Variants in GMPR2 observed in about 807,000 individuals in gnomAD.
GMPR2 encodes the protein guanosine monophosphate reductase 2, also known as GMP reductase 2.
A neutral mutation model predicts 38.5 loss-of-function variants in GMPR2; 32 were observed. The ratio of observed to expected loss-of-function variants is 0.83; its 90% CI spans 0.63 to 1.12. GMPR2 has a LOEUF of 1.12. GMPR2 is among the 50% of genes most tolerant of loss of function. The probability of loss-of-function intolerance (pLI) is 0.00; values close to 1 mark genes in which losing one functional copy is unlikely to be tolerated. For synonymous variants in GMPR2, 154 were observed against 151.0 expected (o/e 1.02, Z -0.15); for missense variants, 396 against 432.1 (o/e 0.92, Z 0.74).
At chr14:24,234,797 G>A (rs959937370) in intron 3 of GMPR2, among the ~76,000 whole-genome samples, 1 of 152,204 alleles carries the variant, frequency 6.6e-6, no homozygotes, top group Non-Finnish European at 1.5e-5. Flanking sequence ...ATCCTATGGT[G>A]ACTTTTCTTT....
intron 3 of GMPR2, chr14:24,234,120 G>A (rs1290545935): frequency 2.3e-6 from 3 of 1,289,232 alleles, no homozygotes; most frequent in Non-Finnish European, 3.0e-6. Context: ...TAGGTTCCTG[G>A]GAGTTTCTGG....
rs2040332060 is a variant in GMPR2, at chr14:24,236,132, A to G, written c.457A>G (p.Thr153Ala). Residue 153 changes from threonine to alanine, a missense_variant, in exon 5 of 10, where the codon ACC (threonine) becomes GCC (alanine). Transcript: ENST00000399440. ...KDVRKRFPQH[T>A]IMAGNVVTGE... ...TGTACGGAAGCGCTTCCCCCAGCAC[A>G]CCATCATGGTATGTTTCTATTACAG... 1.2e-6 allele frequency: 2 copies of G among 1,612,892 alleles called. No individual in the cohort carries two copies. The highest frequency in any genetic ancestry group is 1.7e-5 in the Admixed American group (1 of 59,902).
intron 8 of GMPR2, 38 bp downstream of exon 8, chr14:24,237,600 A>G: frequency 6.4e-7 from 1 of 1,565,030 alleles, no homozygotes; most frequent in Non-Finnish European, 8.8e-7. Flanking sequence ...GATTCTATAC[A>G]AGAGGATGAA....
At position 24,232,987 on chromosome 14, in the gene GMPR2, G is replaced by A. The variant is rs901502381; in HGVS notation, c.-36+10G>A. 7 of 585,648 alleles carry A rather than the reference G, an allele frequency of 1.2e-5. No homozygotes were observed. The highest frequency in any genetic ancestry group is 2.1e-5 in the Non-Finnish European group (7 of 327,312). The allele number at this position is 585,648 out of a possible 1,614,324, so 36.3% of individuals were successfully genotyped here. A position where few individuals can be genotyped will look rare whatever the true frequency, so the allele number is the denominator to read the frequency against. ...AAGGAAGTGTAGCGGGGTAAGGAAT[G>A]CACCGTCAGGGTCTCTCACAACCCT... On this transcript the variant is annotated intron_variant, in intron 1 of 9. Coordinates refer to ENST00000399440, the MANE Select transcript of GMPR2 (RefSeq NM_001002002.3).
At chr14:24,236,231 TATG>T (rs2040338196) in intron 5 of GMPR2, 91 bp downstream of exon 5, 2 of 875,910 alleles carry the variant, frequency 2.3e-6, no homozygotes, top group East Asian at 4.8e-5. Context: ...TCTGCTGCAT[TATG>T]ATATTCCTAG....
Position 24,233,308 on chromosome 14 carries a change from C to T in GMPR2, c.55C>T (p.Pro19Ser), listed in dbSNP as rs780281158. The T allele has an allele frequency of 6.2e-7, 1 of 1,613,984 alleles. No individual in the cohort carries two copies. Among genetic ancestry groups the T allele is most frequent in the African/African-American group, 1.3e-5 (1 of 74,910 alleles). The change falls in exon 2 of 10, where the codon CCC (proline) becomes TCC (serine). Residue 19 changes from proline (P) to serine (S), a missense_variant. By Grantham distance (74) the Pro-to-Ser change is moderately conservative (BLOSUM62 -1). Transcript: ENST00000399440. ...KLDFKDVLLR[P>S]KRSTLKSRSE... is the part of the protein sequence containing the mutation. ...GGACTTCAAGGATGTCCTTTTGAGG[C>T]CCAAACGCAGTACCCTTAAGTCTCG...
Position 24,238,831 on chromosome 14 carries a change from C to A in GMPR2, c.*53C>A. The A allele has an allele frequency of 6.7e-7, 1 of 1,489,258 alleles. No homozygotes were observed. Among genetic ancestry groups the A allele is most frequent in the Non-Finnish European group, 9.3e-7 (1 of 1,077,220 alleles). 92.3% of individuals were successfully genotyped at this position (1,489,258 alleles called of 1,614,324 possible). On this transcript the variant is annotated 3_prime_UTR_variant, in exon 10 of 10. Transcript: ENST00000399440. The stretch of plus-strand genomic sequence containing the variant: ...ACCAGTACTCTACCATGGGGCATCC[C>A]AAGTGGGGTCCTCACCCATCCCAGC...
intron 3 of GMPR2, chr14:24,233,838 T>G: frequency 1.7e-6 from 1 of 604,444 alleles, no homozygotes. Context: ...GAACAGAATT[T>G]TCCCTTTTGT....
chr14:24,238,073 A>G, intron 8 of GMPR2, 173 bp from the exon 9 acceptor site: 1 of 582,838 alleles, frequency 1.7e-6, no homozygotes, highest in Non-Finnish European at 3.0e-6. Flanking sequence ...ACTGAGGAAT[A>G]GAGGCCAGGG....
chr14:24,232,705 C>A (rs576279401), upstream of GMPR2: 1 of 222,268 alleles, frequency 4.5e-6, no homozygotes, highest in Non-Finnish European at 9.2e-6. Context: ...GCCGCCGAAG[C>A]TGGAATTCGT....
At position 24,238,702 on chromosome 14, in the gene GMPR2, T is replaced by C; in HGVS notation, c.971T>C (p.Leu324Pro). The change falls in exon 10 of 10, where the codon CTC becomes CCC. Residue 324 changes from leucine to proline, a missense_variant. By Grantham distance (98) the Leu-to-Pro change is moderately conservative. Coordinates refer to ENST00000399440, the MANE Select transcript of GMPR2 (RefSeq NM_001002002.3). Reference protein sequence around the residue: ...STCTYVGAAKLKELSRRTTFI... With the variant: ...STCTYVGAAKPKELSRRTTFI... ...TGTACCTATGTGGGAGCAGCTAAGCTCAAAGAGTTGAGCAGGAGAACTACC... is the reference window on the plus strand; with the variant it reads ...TGTACCTATGTGGGAGCAGCTAAGCCCAAAGAGTTGAGCAGGAGAACTACC... 1.2e-6 allele frequency: 2 copies of C among 1,613,814 alleles called. No individual in the cohort carries two copies. The highest frequency in any genetic ancestry group is 1.7e-6 in the Non-Finnish European group (2 of 1,179,896).
At chr14:24,238,157 C>A in intron 8 of GMPR2, 89 bp from the exon 9 acceptor site, 3 of 1,177,956 alleles carry the variant, frequency 2.5e-6, no homozygotes, top group Admixed American at 2.1e-5. Context: ...ATTGTCAGGA[C>A]TGAGAATATG....
rs745797285 is a variant in GMPR2 at position 24,238,602 on chromosome 14, A to G, written c.871A>G (p.Lys291Glu). The G allele has an allele frequency of 3.1e-6, 5 of 1,614,032 alleles. No individual in the cohort carries two copies. The highest frequency in any genetic ancestry group is 2.5e-6 in the Non-Finnish European group (3 of 1,180,010). The change falls in exon 10 of 10, where the codon AAG becomes GAG. Residue 291 changes from lysine to glutamate, a missense_variant. Physicochemically the swap from Lys to Glu is moderately conservative, Grantham distance 56 (BLOSUM62 1). Coordinates refer to ENST00000399440, the MANE Select transcript of GMPR2 (RefSeq NM_001002002.3). The stretch of plus-strand genomic sequence containing the variant: ...TCCTACTTTAAGAGCCTCAGAGGGA[A>G]AGACAGTGGAAGTTCCTTTTAAAGG... Reference protein sequence around the residue: ...GVAEYRASEGKTVEVPFKGDV... With the variant: ...GVAEYRASEGETVEVPFKGDV...
chr14:24,233,328 G>A lies in GMPR2; in HGVS notation c.75G>A (p.Lys25=). The change falls in exon 2 of 10, where the codon AAG becomes AAA. Residue 25 remains lysine (K), a synonymous_variant. Transcript: ENST00000399440. ...VLLRPKRSTL[K]SRSEVDLTRS... ...TGAGGCCCAAACGCAGTACCCTTAA[G>A]TCTCGAAGTGAGGTGAGCAAGCTTC... is the stretch of plus-strand genomic sequence containing the variant. 1.2e-6 allele frequency: 2 copies of A among 1,614,102 alleles called. No homozygotes were observed. The highest frequency in any genetic ancestry group is 1.7e-6 in the Non-Finnish European group (2 of 1,179,998).
In GMPR2 at chr14:24,236,030, G is replaced by C; in HGVS notation, c.355G>C (p.Ala119Pro). 3 of 1,613,574 alleles carry C rather than the reference G, an allele frequency of 1.9e-6. No homozygotes were observed. The South Asian group carries it at 3.3e-5, about 18-fold the overall frequency. The change falls in exon 5 of 10, where the codon GCT (alanine) becomes CCT (proline). Residue 119 changes from alanine to proline, a missense_variant. Ala to Pro is a conservative substitution (Grantham distance 27, BLOSUM62 -1). Transcript: ENST00000399440. ...DFEQLEQILE[A>P]IPQVKYICLD... ...TGAGCAGCTGGAACAGATCCTGGAA[G>C]CTATTCCCCAGGTGAAGTATATATG...
At chr14:24,236,273 T>C (rs1438202510) in intron 5 of GMPR2, 133 bp downstream of exon 5, 1 of 723,300 alleles carries the variant, frequency 1.4e-6, no homozygotes, top group Non-Finnish European at 2.4e-6. Flanking sequence ...TGGATGATTA[T>C]CCATAGTTCT....
intron 3 of GMPR2, chr14:24,234,042 T>TATTA: frequency 8.3e-7 from 1 of 1,198,538 alleles, no homozygotes; most frequent in African/African-American, 1.6e-5. Context: ...TTTTCTTTAA[T>TATTA]AAGAACAATT....
chr14:24,234,204 C>G (rs1381520229), intron 3 of GMPR2: 1 of 1,289,400 alleles, frequency 7.8e-7, no homozygotes, highest in Admixed American at 2.3e-5. Flanking sequence ...CTGCTCCTGT[C>G]AGTACTATTA....
intron 5 of GMPR2, 111 bp downstream of exon 5, chr14:24,236,251 T>A: frequency 1.3e-6 from 1 of 788,224 alleles, no homozygotes; most frequent in Non-Finnish European, 2.1e-6. Context: ...CTAGTTCATT[T>A]AATCATGATA....
Sources: gnomAD v4.1 joint callset for allele counts (sites outside exome capture counted in the v4.1 genomes callset) on GRCh38, gnomAD v4.1.1 for gene constraint, MANE v1.5 for transcripts, NCBI Gene and HGNC (gene_info 2026-07-23, HGNC 2026-07-21) for gene names.